Variants in PHIP observed in about 807,000 individuals in gnomAD.
PHIP encodes PH-interacting protein.
A neutral mutation model predicts 236.8 loss-of-function variants in PHIP; 54 were observed. The ratio of observed to expected loss-of-function variants is 0.23; its 90% CI spans 0.18 to 0.29. The LOEUF (loss-of-function observed/expected upper bound fraction) is 0.29, where lower values mean the gene tolerates loss of function less well. PHIP is among the 10% of genes least tolerant of loss of function. PHIP has a pLI of 1.00. For synonymous variants in PHIP, 756 were observed against 718.9 expected (o/e 1.05, Z -0.83); for missense variants, 1,370 against 2,190.8 (o/e 0.63, Z 7.48).
At chr6:79,000,720 C>A (rs1165571310) in intron 17 of PHIP, among the ~76,000 whole-genome samples, 3 of 152,044 alleles carry the variant, frequency 2.0e-5, no homozygotes. Flanking sequence ...TGAAACTTAT[C>A]TAATCTGAGT....
chr6:78,993,817 T>C (rs931223604), intron 19 of PHIP, among the ~76,000 whole-genome samples: 1 of 152,208 alleles, frequency 6.6e-6, no homozygotes, highest in African/African-American at 2.4e-5. Context: ...CTGCAGCCTA[T>C]GGGTCAAGGA....
chr6:78,978,731 A>G lies in PHIP; in HGVS notation c.2770-20T>C. On this transcript the variant is annotated intron_variant, in intron 23 of 39. Coordinates refer to ENST00000275034, the MANE Select transcript of PHIP (RefSeq NM_017934.7). ...CAATCTCTGACAAAATTTAAGTAAT[A>G]ATTGTTAAGTAATAATCAAAAAAGC... 7 of 1,578,514 alleles carry G rather than the reference A, an allele frequency of 4.4e-6. No individual in the cohort carries two copies. Among genetic ancestry groups the G allele is most frequent in the Non-Finnish European group, 6.1e-6 (7 of 1,152,830 alleles).
rs1221517732 is a variant in PHIP at position 78,936,148 on chromosome 6, ATT to A, written c.*4543_*4544del. The stretch of plus-strand genomic sequence containing the variant: ...AAACTTCAATAAAGCTAAATAATTA[ATT>A]TGTTTTAAAACTCTGTGTTACTTAT... On this transcript the variant is annotated 3_prime_UTR_variant, in exon 40 of 40. Transcript: ENST00000275034. 6.6e-6 allele frequency: 1 copy of A among 151,986 alleles called. No individual in the cohort carries two copies. The highest frequency in any genetic ancestry group is 1.5e-5 in the Non-Finnish European group (1 of 67,868). 9.4% of individuals were successfully genotyped at this position (151,986 alleles called of 1,614,324 possible).
chr6:78,990,674 T>C (rs1381818593), intron 20 of PHIP, among the ~76,000 whole-genome samples, 194 bp downstream of exon 20: 1 of 152,056 alleles, frequency 6.6e-6, no homozygotes, highest in African/African-American at 2.4e-5. Context: ...TGGGAAAGGG[T>C]ATGCTACAAA....
intron 6 of PHIP, among the ~76,000 whole-genome samples, chr6:79,058,451 AC>A (rs541097938): frequency 1.6e-4 from 24 of 152,196 alleles, no homozygotes; most frequent in Non-Finnish European, 3.4e-4. Context: ...GTTCCCTTTT[AC>A]AAAAAATGAC....
intron 39 of PHIP, among the ~76,000 whole-genome samples, chr6:78,943,348 C>G (rs1415466347): frequency 2.0e-5 from 3 of 152,044 alleles, no homozygotes; most frequent in Non-Finnish European, 4.4e-5. Context: ...AATTAAAAAT[C>G]AAACAGGTTA....
intron 4 of PHIP, among the ~76,000 whole-genome samples, chr6:79,074,119 C>T (rs1199308707): frequency 2.0e-5 from 3 of 152,084 alleles, no homozygotes; most frequent in Non-Finnish European, 4.4e-5. Context: ...GACTCCCAAT[C>T]CTTTCACTTA....
intron 17 of PHIP, among the ~76,000 whole-genome samples, chr6:78,998,691 A>G (rs1485373646): frequency 1.3e-5 from 2 of 152,210 alleles, no homozygotes; most frequent in Admixed American, 6.6e-5. Context: ...TCCACTTTAT[A>G]GATGAGAAAA....
intron 18 of PHIP, 126 bp from the exon 19 acceptor site, chr6:78,997,723 A>G (rs1769712928): frequency 1.3e-6 from 1 of 768,336 alleles, no homozygotes; most frequent in Non-Finnish European, 2.0e-6. Flanking sequence ...TAATTAAATT[A>G]CCATATCAGG....
Position 78,997,616 on chromosome 6 carries a change from A to C in PHIP, c.2018-19T>G. ...ATGGAGCCTAAGTGAAAAAGTTACT[A>C]TATTAAGTTCTACTTAGAGATATTT... On this transcript the variant is annotated intron_variant, in intron 18 of 39. Transcript: ENST00000275034. 1 of 1,588,108 alleles carries C rather than the reference A, an allele frequency of 6.3e-7. No individual in the cohort carries two copies. The highest frequency in any genetic ancestry group is 8.6e-7 in the Non-Finnish European group (1 of 1,159,016).
intron 6 of PHIP, among the ~76,000 whole-genome samples, chr6:79,056,164 C>A (rs1444471710): frequency 6.6e-6 from 1 of 152,174 alleles, no homozygotes; most frequent in African/African-American, 2.4e-5. Flanking sequence ...ATAGCCATAA[C>A]CATGTGATAA....
chr6:79,054,137 A>G (rs1184482935), intron 6 of PHIP, among the ~76,000 whole-genome samples: 4 of 151,618 alleles, frequency 2.6e-5, no homozygotes, highest in Non-Finnish European at 5.9e-5. Flanking sequence ...ATGCTAATAC[A>G]CCTTGCAAGT....
rs1012282862 is a variant in PHIP, at chr6:78,985,224, A to G, written c.2537+128T>C. 15 of 645,164 alleles carry G rather than the reference A, an allele frequency of 2.3e-5. No homozygotes were observed. In the South Asian group the frequency reaches 2.9e-4, roughly 13 times the overall value. 40.0% of individuals were successfully genotyped at this position (645,164 alleles called of 1,614,324 possible). On this transcript the variant is annotated intron_variant, in intron 22 of 39. Coordinates refer to ENST00000275034, the MANE Select transcript of PHIP (RefSeq NM_017934.7). ...ATATATCAGAAAATCTACATTTCAT[A>G]CAACTTCAAAAACTCTCTGAAGAAC... is the stretch of plus-strand genomic sequence containing the variant.
At chr6:79,022,405 G>A (rs1257793561) in intron 9 of PHIP, among the ~76,000 whole-genome samples, 1 of 152,100 alleles carries the variant, frequency 6.6e-6, no homozygotes. Flanking sequence ...GGTTAAAAGG[G>A]GTTTCTGACA....
intron 10 of PHIP, 62 bp from the exon 11 acceptor site, chr6:79,017,645 G>C (rs1390704714): frequency 7.3e-6 from 9 of 1,232,032 alleles, no homozygotes; most frequent in Non-Finnish European, 1.1e-5. Context: ...CTGAAAATTA[G>C]ATAATAAAAT....
intron 4 of PHIP, among the ~76,000 whole-genome samples, chr6:79,065,764 CCACACACACACACACACACACACA>C (rs58570604): frequency 7.0e-6 from 1 of 143,380 alleles, no homozygotes; most frequent in Non-Finnish European, 1.5e-5. Flanking sequence ...CTTAACTATA[CCACACACACACACACACACACACA>C]CACACACACA....
intron 7 of PHIP, among the ~76,000 whole-genome samples, chr6:79,037,693 G>A (rs1274129949): frequency 2.0e-5 from 3 of 152,198 alleles, no homozygotes; most frequent in Non-Finnish European, 4.4e-5. Context: ...CAGTGTAACC[G>A]AAGTACAGTA....
rs1047826685 is a variant in PHIP, at chr6:78,938,549, T to C, written c.*2144A>G. 4 of 151,590 alleles carry C rather than the reference T, an allele frequency of 2.6e-5. No individual in the cohort carries two copies. Among genetic ancestry groups the C allele is most frequent in the African/African-American group, 9.7e-5 (4 of 41,416 alleles). The allele number at this position is 151,590 out of a possible 1,614,324, so 9.4% of individuals were successfully genotyped here. A position where few individuals can be genotyped will look rare whatever the true frequency, so the allele number is the denominator to read the frequency against. On this transcript the variant is annotated 3_prime_UTR_variant, in exon 40 of 40. Transcript: ENST00000275034. ...TAGATTGCCTTCAAAAGCAACTAAT[T>C]AATGACAAATTTCAAACATACACTA...
chr6:79,062,876 T>C (rs568196735), intron 4 of PHIP, among the ~76,000 whole-genome samples: 116 of 152,318 alleles, frequency 7.6e-4, no homozygotes, highest in African/African-American at 2.6e-3. Context: ...CATGTCTCAG[T>C]CTATGTCTCA....
Sources: allele counts gnomAD v4.1 joint callset (sites outside exome capture counted in the v4.1 genomes callset), GRCh38; gene constraint gnomAD v4.1.1; transcripts MANE v1.5; gene names NCBI Gene and HGNC (gene_info 2026-07-23, HGNC 2026-07-21).